EP300: variants seen among roughly 807,000 people sequenced by gnomAD.
EP300 encodes histone acetyltransferase p300.
In EP300, 31 loss-of-function variants were observed where a neutral mutation model predicts 264.0. The ratio of observed to expected loss-of-function variants is 0.12; its 90% CI spans 0.09 to 0.16. The LOEUF (loss-of-function observed/expected upper bound fraction) is 0.16, where lower values mean the gene tolerates loss of function less well. Ranked by LOEUF, EP300 falls within the 10% of genes least tolerant of loss-of-function variation. The pLI is 1.00. For missense variants in EP300, 2,766 were observed against 3,052.9 expected, an observed-to-expected ratio of 0.91 and a Z score of 2.21; for synonymous variants, 1,340 against 1,045.4, an observed-to-expected ratio of 1.28 and a Z score of -5.44.
intron 2 of EP300, among the ~76,000 whole-genome samples, chr22:41,122,157 CT>C (rs71328774): frequency 0.12 from 4,251 of 35,960 alleles, 101 homozygotes; most frequent in East Asian, 0.33. Flanking sequence ...TCTTCTTCTT[CT>C]TTTTTTTTTT....
At chr22:41,171,341 G>C (rs1200332586) in intron 27 of EP300, among the ~76,000 whole-genome samples, 1 of 151,820 alleles carries the variant, frequency 6.6e-6, no homozygotes, top group East Asian at 1.9e-4. Flanking sequence ...TTAGGGGTGT[G>C]GGTGTTTTGT....
chr22:41,124,650 AAAAG>A (rs1449323916), intron 2 of EP300, among the ~76,000 whole-genome samples: 2 of 152,170 alleles, frequency 1.3e-5, no homozygotes, highest in African/African-American at 4.8e-5. Context: ...ATAGTCAAAA[AAAAG>A]AAGAAGAAGA....
In EP300 at chr22:41,178,782, C is replaced by T. The variant is rs2145523774; in HGVS notation, c.7071C>T (p.Asn2357=). The change falls in exon 31 of 31, where the codon AAC becomes AAT. Residue 2357 remains asparagine (N), a synonymous_variant. Transcript: ENST00000263253. ...PHPGLVAAQA[N]PMEQGHFASP... ...CTGGACTGGTAGCTGCCCAGGCCAA[C>T]CCCATGGAACAAGGGCATTTTGCCA... is the stretch of plus-strand genomic sequence containing the variant. 6.2e-7 allele frequency: 1 copy of T among 1,614,174 alleles called. No individual in the cohort carries two copies. The highest frequency in any genetic ancestry group is 8.5e-7 in the Non-Finnish European group (1 of 1,180,040).
Position 41,105,779 on chromosome 22 carries a change from C to T in EP300, c.95-11408C>T, listed in dbSNP as rs2058755340. 2.6e-5 allele frequency among the ~76,000 whole-genome samples: 4 copies of T among 152,164 alleles called. No individual in the cohort carries two copies. The South Asian group carries it at 8.3e-4, about 32-fold the overall frequency. On this transcript the variant is annotated intron_variant, in intron 1 of 30. Coordinates refer to ENST00000263253, the MANE Select transcript of EP300 (RefSeq NM_001429.4). ...CCTTTTGATGTCATGATAGCAGGAC[C>T]ATGTGAAGAGTACATATTTTGAAAT...
In EP300 at chr22:41,178,726, C is replaced by T. The variant is rs183326303; in HGVS notation, c.7015C>T (p.His2339Tyr). 14 of 1,614,174 alleles carry T rather than the reference C, an allele frequency of 8.7e-6. No individual in the cohort carries two copies. The East Asian group carries it at 2.9e-4, about 33-fold the overall frequency. The change falls in exon 31 of 31, where the codon CAC becomes TAC. Residue 2339 changes from histidine to tyrosine, a missense_variant. By Grantham distance (83) the His-to-Tyr change is moderately conservative. Coordinates refer to ENST00000263253, the MANE Select transcript of EP300 (RefSeq NM_001429.4). The stretch of plus-strand genomic sequence containing the variant: ...GATGCAGCCTCAGCCTTCTCCACAC[C>T]ACGTTTCCCCACAGACAAGTTCCCC... ...PRMQPQPSPH[H>Y]VSPQTSSPHP...
chr22:41,170,283 TAC>T lies in EP300; in HGVS notation c.4287-120_4287-119del, dbSNP rs573294949. 149 of 877,474 alleles carry T rather than the reference TAC, an allele frequency of 1.7e-4. No homozygotes were observed. In the African/African-American group the frequency reaches 2.3e-3, roughly 14 times the overall value. 54.4% of individuals were successfully genotyped at this position (877,474 alleles called of 1,614,324 possible). A position where few individuals can be genotyped will look rare whatever the true frequency, so the allele number is the denominator to read the frequency against. The stretch of plus-strand genomic sequence containing the variant: ...TGTTAATCTCATTCTGGGTTATATA[TAC>T]ACTGTGTTATCTTGGGAAAAATTAT... On this transcript the variant is annotated intron_variant, in intron 26 of 30. Transcript: ENST00000263253.
intron 1 of EP300, among the ~76,000 whole-genome samples, chr22:41,109,875 G>A (rs1483424108): frequency 6.7e-6 from 1 of 149,236 alleles, no homozygotes; most frequent in Non-Finnish European, 1.5e-5. Context: ...GTGCAATGGC[G>A]TGATCTCAGC....
chr22:41,136,024 G>C (rs2058948708), intron 7 of EP300, 118 bp downstream of exon 7: 1 of 801,096 alleles, frequency 1.2e-6, no homozygotes, highest in Non-Finnish European at 2.2e-6. Context: ...AATACAGATA[G>C]ATGTTTGAGT....
At chr22:41,134,714 T>C (rs2058940063) in intron 6 of EP300, among the ~76,000 whole-genome samples, 1 of 152,106 alleles carries the variant, frequency 6.6e-6, no homozygotes, top group Non-Finnish European at 1.5e-5. Context: ...TAAATAATTA[T>C]TGAGTGACGA....
chr22:41,152,924 A>T (rs1194808433), intron 16 of EP300, among the ~76,000 whole-genome samples: 1 of 151,884 alleles, frequency 6.6e-6, no homozygotes, highest in African/African-American at 2.4e-5. Flanking sequence ...TGCCCGTCTA[A>T]TTTTTGTATT....
intron 1 of EP300, among the ~76,000 whole-genome samples, chr22:41,114,240 G>A (rs1378488007): frequency 1.3e-5 from 2 of 152,126 alleles, no homozygotes; most frequent in Non-Finnish European, 2.9e-5. Context: ...AGAGTGCAGT[G>A]GTACATTCAC....
Position 41,152,230 on chromosome 22 carries a change from G to A in EP300, c.3022G>A (p.Glu1008Lys), listed in dbSNP as rs2145740665. 6.2e-7 allele frequency: 1 copy of A among 1,614,030 alleles called. No homozygotes were observed. Among genetic ancestry groups the A allele is most frequent in the Non-Finnish European group, 8.5e-7 (1 of 1,179,988 alleles). The change falls in exon 16 of 31, where the codon GAA (glutamate) becomes AAA (lysine). Residue 1008 changes from glutamate (E) to lysine (K), a missense_variant. Physicochemically the swap from Glu to Lys is moderately conservative, Grantham distance 56. Coordinates refer to ENST00000263253, the MANE Select transcript of EP300 (RefSeq NM_001429.4). ...SESKVEDCKM[E>K]STETEERSTE... is the part of the protein sequence containing the mutation. ...GTCTAAAGTGGAAGACTGTAAAATG[G>A]AATCTACCGAAACAGAAGAGAGAAG... is the stretch of plus-strand genomic sequence containing the variant.
chr22:41,134,163 C>CTTTTTTTTTTTTTTTTTTTTTTTTTTT (rs11362436), intron 6 of EP300, among the ~76,000 whole-genome samples: 4 of 105,632 alleles, frequency 3.8e-5, no homozygotes, highest in Admixed American at 1.0e-4. Context: ...TCATTCTTTT[C>CTTTTTTTTTTTTTTTTTTTTTTTTTTT]TTTTTTTTTT....
At chr22:41,170,954 T>G (rs373207343) in intron 27 of EP300, among the ~76,000 whole-genome samples, 3 of 146,128 alleles carry the variant, frequency 2.1e-5, no homozygotes, top group African/African-American at 5.0e-5. Flanking sequence ...TGAGCCACCG[T>G]GCCCAGCCTT....
In EP300 at chr22:41,151,914, A is replaced by G. The variant is rs1251522603; in HGVS notation, c.2899A>G (p.Ile967Val). ...TSSTEVNSQA[I>V]AEKQPSQEVK... ...TAGCACAGAAGTGAATTCTCAGGCC[A>G]TTGCTGAGAAGCAGCCTTCCCAGGA... is the stretch of plus-strand genomic sequence containing the variant. Residue 967 changes from isoleucine to valine, a missense_variant, in exon 15 of 31, where the codon ATT becomes GTT. By Grantham distance (29) the Ile-to-Val change is conservative. Coordinates refer to ENST00000263253, the MANE Select transcript of EP300 (RefSeq NM_001429.4). The G allele has an allele frequency of 2.5e-6, 4 of 1,614,036 alleles. No individual in the cohort carries two copies. The highest frequency in any genetic ancestry group is 2.2e-5 in the South Asian group (2 of 91,080).
intron 1 of EP300, among the ~76,000 whole-genome samples, chr22:41,106,777 T>TC (rs397754748): frequency 6.6e-6 from 1 of 151,456 alleles, no homozygotes; most frequent in Non-Finnish European, 1.5e-5. Context: ...TAAATTTTTT[T>TC]GTAGAGGCAG....
chr22:41,179,138 T>C lies in EP300; in HGVS notation c.*182T>C, dbSNP rs1032284101. 1.5e-5 allele frequency: 10 copies of C among 664,318 alleles called. No individual in the cohort carries two copies. The highest frequency in any genetic ancestry group is 1.1e-4 in the African/African-American group (6 of 55,080). The allele number at this position is 664,318 out of a possible 1,614,324, so 41.2% of individuals were successfully genotyped here. ...CATGCAAGATGAACCTGAGGGATGA[T>C]AGAATACAAAGAATATATTTTTGTT... On this transcript the variant is annotated 3_prime_UTR_variant, in exon 31 of 31. Coordinates refer to ENST00000263253, the MANE Select transcript of EP300 (RefSeq NM_001429.4).
chr22:41,158,391 A>C, intron 18 of EP300, 21 bp from the exon 19 acceptor site: 1 of 1,612,082 alleles, frequency 6.2e-7, no homozygotes, highest in Non-Finnish European at 8.5e-7. Flanking sequence ...TGTGCTTTTT[A>C]ACAAATGGTT....
At position 41,157,297 on chromosome 22, in the gene EP300, A is replaced by T. The variant is rs986865243; in HGVS notation, c.3390A>T (p.Leu1130Phe). 1 of 1,614,176 alleles carries T rather than the reference A, an allele frequency of 6.2e-7. No homozygotes were observed. Among genetic ancestry groups the T allele is most frequent in the Non-Finnish European group, 8.5e-7 (1 of 1,180,024 alleles). ...DIWLMFNNAW[L>F]YNRKTSRVYK... ...GGCTTATGTTCAATAATGCCTGGTTATATAACCGGAAAACATCACGGGTAT... is the reference window on the plus strand; with the variant it reads ...GGCTTATGTTCAATAATGCCTGGTTTTATAACCGGAAAACATCACGGGTAT... Residue 1130 changes from leucine to phenylalanine, a missense_variant, in exon 18 of 31, where the codon TTA (leucine) becomes TTT (phenylalanine). Leu to Phe is a conservative substitution (Grantham distance 22). Transcript: ENST00000263253.
Sources: gnomAD v4.1 joint callset for allele counts (sites outside exome capture counted in the v4.1 genomes callset) on GRCh38, gnomAD v4.1.1 for gene constraint, MANE v1.5 for transcripts, NCBI Gene and HGNC (gene_info 2026-07-23, HGNC 2026-07-21) for gene names.